TASOR2: variants seen among roughly 807,000 people sequenced by gnomAD.
TASOR2 encodes transcription activation suppressor family member 2, also known as protein TASOR 2.
In TASOR2, 84 loss-of-function variants were observed where a neutral mutation model predicts 199.5. The ratio of observed to expected loss-of-function variants is 0.42; its 90% confidence interval spans 0.35 to 0.50. The LOEUF is 0.50. Ranked by LOEUF, TASOR2 falls within the 20% of genes least tolerant of loss-of-function variation. TASOR2 has a pLI of 0.02. For synonymous variants in TASOR2, 1,103 were observed against 1,046.6 expected, an observed-to-expected ratio of 1.05 and a Z score of -1.04; for missense variants, 2,796 against 2,835.9, an observed-to-expected ratio of 0.99 and a Z score of 0.32.
At chr10:5,732,642 C>T (rs1834987223) in intron 11 of TASOR2, among the ~76,000 whole-genome samples, 1 of 152,224 alleles carries the variant, frequency 6.6e-6, no homozygotes, top group South Asian at 2.1e-4. Flanking sequence ...ACTGCAGTCT[C>T]AAACTCCTGG....
intron 11 of TASOR2, among the ~76,000 whole-genome samples, chr10:5,732,465 A>G (rs985005532): frequency 6.6e-6 from 1 of 152,228 alleles, no homozygotes; most frequent in Non-Finnish European, 1.5e-5. Flanking sequence ...TTGAATTTGG[A>G]AATGTTGGTG....
At position 5,751,852 on chromosome 10, in the gene TASOR2, CAG is replaced by C. The variant is rs1201913174; in HGVS notation, c.6606+1828_6606+1829del. Among the ~76,000 whole-genome samples, 1 of 152,138 alleles carries C rather than the reference CAG, an allele frequency of 6.6e-6. No individual in the cohort carries two copies. Among genetic ancestry groups the C allele is most frequent in the Non-Finnish European group, 1.5e-5 (1 of 68,030 alleles). ...TCTATTTATGTATAAAAAGCAAAAA[CAG>C]AGGAGTTCACACTCATCCCCAATTC... On this transcript the variant is annotated intron_variant, in intron 15 of 20. Transcript: ENST00000328090. The surrounding 1 kb of genome is among the most constrained non-coding windows in gnomAD (Gnocchi z 5.3).
chr10:5,720,646 GCAC>G lies in TASOR2; in HGVS notation c.10_12del (p.Pro4del). 6.2e-7 allele frequency: 1 copy of G among 1,613,910 alleles called. No homozygotes were observed. Among genetic ancestry groups the G allele is most frequent in the South Asian group, 1.1e-5 (1 of 91,068 alleles). On this transcript the variant is annotated inframe_deletion, in exon 4 of 21. Transcript: ENST00000328090. The surrounding 1 kb of genome is among the most constrained non-coding windows in gnomAD (Gnocchi z 5.3). ...TCGATACAGGGAATCTAAAACTATG[GCAC>G]CACCAGCTCATAAAAGCATGTAAGT...
intron 11 of TASOR2, among the ~76,000 whole-genome samples, chr10:5,733,099 T>A (rs190137852): frequency 5.7e-4 from 87 of 152,318 alleles, no homozygotes; most frequent in Non-Finnish European, 9.3e-4. Context: ...ATATCCACTG[T>A]AAGAAATATG....
At chr10:5,705,553 A>G (rs1838472783) in intron 1 of TASOR2, among the ~76,000 whole-genome samples, 1 of 152,114 alleles carries the variant, frequency 6.6e-6, no homozygotes, top group Non-Finnish European at 1.5e-5. Context: ...AACTGATGTT[A>G]TTTTTTAAAT....
At chr10:5,743,844 T>TA (rs1836776524) in intron 14 of TASOR2, 1 of 152,340 alleles carries the variant, frequency 6.6e-6, no homozygotes, top group South Asian at 2.1e-4. Context: ...AGTATGTACT[T>TA]ACGTAGGCTT....
chr10:5,757,621 T>G, exon 17 of TASOR2: 3 of 1,613,932 alleles, frequency 1.9e-6, no homozygotes, highest in Non-Finnish European at 2.5e-6. Flanking sequence ...AACTGTTTCG[T>G]GCAGGAGGCT....
intron 1 of TASOR2, among the ~76,000 whole-genome samples, chr10:5,692,153 A>AAAAAG (rs1251440541): frequency 6.6e-6 from 1 of 151,632 alleles, no homozygotes; most frequent in African/African-American, 2.4e-5. Flanking sequence ...CTGTCTCAAA[A>AAAAAG]AAAAAAAAAA....
intron 19 of TASOR2, among the ~76,000 whole-genome samples, chr10:5,762,188 G>C (rs1839949344): frequency 6.7e-6 from 1 of 150,076 alleles, no homozygotes; most frequent in Admixed American, 6.7e-5. Context: ...GCTCGAGGCT[G>C]CAGTGAGCCG....
At chr10:5,761,603 A>G in intron 19 of TASOR2, 132 bp downstream of exon 20, 1 of 729,202 alleles carries the variant, frequency 1.4e-6, no homozygotes, top group African/African-American at 1.8e-5. Flanking sequence ...GAATCACCCA[A>G]ATCTGCTGAA....
At chr10:5,733,605 A>T (rs757794788) in intron 11 of TASOR2, among the ~76,000 whole-genome samples, 1 of 152,260 alleles carries the variant, frequency 6.6e-6, no homozygotes, top group Non-Finnish European at 1.5e-5. Context: ...TGTTACATGT[A>T]AACAAAACAA....
rs1248740161 is a variant in TASOR2 at position 5,748,164 on chromosome 10, T to A, written c.4743T>A (p.Val1581=). 3.7e-6 allele frequency: 6 copies of A among 1,614,130 alleles called. No homozygotes were observed. Among genetic ancestry groups the A allele is most frequent in the Non-Finnish European group, 5.1e-6 (6 of 1,180,050 alleles). ...AACCTCCATTTGGTCCTAGAAATGT[T>A]ATTGAAAATAAGTCTTTGTCTGACA... Residue 1581 remains valine (V), a synonymous_variant, in exon 15 of 21, where the codon GTT becomes GTA. Coordinates refer to ENST00000328090, the Ensembl canonical transcript of TASOR2. The surrounding 1 kb of genome is among the most constrained non-coding windows in gnomAD (Gnocchi z 5.1).
At chr10:5,757,475 G>GC in intron 16 of TASOR2, 45 bp from the exon 18 acceptor site, 1 of 1,549,408 alleles carries the variant, frequency 6.5e-7, no homozygotes. Flanking sequence ...AAGAAAATGT[G>GC]CCCAGTGAGC....
chr10:5,758,826 G>A, intron 17 of TASOR2, 61 bp from the exon 19 acceptor site: 1 of 1,231,132 alleles, frequency 8.1e-7, no homozygotes, highest in Non-Finnish European at 1.2e-6. Flanking sequence ...CACTGGGCTT[G>A]GCATGAGCCA....
chr10:5,685,182 C>T lies in TASOR2; in HGVS notation c.-288+7C>T, dbSNP rs1166147870. On this transcript the variant is annotated splice_region_variant and intron_variant, in intron 1 of 20. Coordinates refer to ENST00000328090, the Ensembl canonical transcript of TASOR2. The surrounding 1 kb of genome is among the most constrained non-coding windows in gnomAD (Gnocchi z 5.4). ...GCGGCCACGCCAAGGACGGGTAAGTCCCTCCTCGGCCTGGGCGCCCGGGAA... is the reference window on the plus strand; with the variant it reads ...GCGGCCACGCCAAGGACGGGTAAGTTCCTCCTCGGCCTGGGCGCCCGGGAA... The T allele has an allele frequency of 2.5e-6, 1 of 397,870 alleles. No individual in the cohort carries two copies. 24.6% of individuals were successfully genotyped at this position (397,870 alleles called of 1,614,324 possible).
Position 5,712,841 on chromosome 10 carries a change from C to CA in TASOR2, c.-261dup, listed in dbSNP as rs1382867712. The CA allele has an allele frequency of 1.3e-5, 16 of 1,227,552 alleles. No individual in the cohort carries two copies. The highest frequency in any genetic ancestry group is 4.1e-5 in the South Asian group (1 of 24,222). 76.0% of individuals were successfully genotyped at this position (1,227,552 alleles called of 1,614,324 possible). ...TATACAGTACAAAACTTTTTACCAA[C>CA]AAAAAAAAGCAAGTAGTTATACTCA... is the stretch of plus-strand genomic sequence containing the variant. On this transcript the variant is annotated 5_prime_UTR_variant, in exon 2 of 21. An upstream open reading frame in the 5' UTR loses its in-frame stop. Transcript: ENST00000328090.
At chr10:5,717,027 C>A (rs1433070904) in intron 2 of TASOR2, among the ~76,000 whole-genome samples, 1 of 124,684 alleles carries the variant, frequency 8.0e-6, no homozygotes, top group African/African-American at 2.9e-5. Flanking sequence ...GCTTACATCT[C>A]AAAAAAAAAA....
At chr10:5,731,458 ACAGAGGTTG>A (rs1266179653) in intron 11 of TASOR2, among the ~76,000 whole-genome samples, 8 of 152,152 alleles carry the variant, frequency 5.3e-5, no homozygotes, top group Non-Finnish European at 1.2e-4. Flanking sequence ...AACCCAAGAG[ACAGAGGTTG>A]CAGTGAGCCG....
chr10:5,754,819 G>A lies in TASOR2; in HGVS notation c.6607-1794G>A, dbSNP rs1299614746. 2.0e-5 allele frequency among the ~76,000 whole-genome samples: 3 copies of A among 151,864 alleles called. No individual in the cohort carries two copies. Among genetic ancestry groups the A allele is most frequent in the African/African-American group, 4.8e-5 (2 of 41,358 alleles). ...AGCACTTTGGGAGGCCGAGGTGGGC[G>A]GATCACAAGGTCAGGAGATTGAGAC... On this transcript the variant is annotated intron_variant, in intron 15 of 20. Coordinates refer to ENST00000328090, the Ensembl canonical transcript of TASOR2. The surrounding 1 kb of genome is among the most constrained non-coding windows in gnomAD (Gnocchi z 4.3).
Sources: gnomAD v4.1 joint callset for allele counts (sites outside exome capture counted in the v4.1 genomes callset) on GRCh38, gnomAD v4.1.1 for gene constraint, Gnocchi (gnomAD v3.1) non-coding constraint, MANE v1.5 for transcripts, NCBI Gene and HGNC (gene_info 2026-07-23, HGNC 2026-07-21) for gene names.